The following SVIL variants were observed in gnomAD, a reference collection of about 807,000 sequenced individuals.
SVIL encodes the protein archvillin.
SVIL carries 101 observed loss-of-function variants against 240.4 expected under a neutral mutation model. The observed-to-expected ratio is 0.42, with a 90% CI of 0.36 to 0.50. SVIL has a LOEUF of 0.50. Among genes scored for constraint, SVIL ranks in the 20% least tolerant of loss-of-function variants. SVIL has a pLI of 0.01. For synonymous variants in SVIL, 999 were observed against 1,100.0 expected, an observed-to-expected ratio of 0.91 and a Z score of 1.82; for missense variants, 2,512 against 2,818.7, an observed-to-expected ratio of 0.89 and a Z score of 2.46.
intron 1 of SVIL, among the ~76,000 whole-genome samples, chr10:29,696,279 A>C (rs1303017448): frequency 2.0e-5 from 3 of 151,992 alleles, no homozygotes; most frequent in Non-Finnish European, 4.4e-5. Flanking sequence ...GCTGGAGTGC[A>C]GTGGCATGAT....
intron 3 of SVIL, among the ~76,000 whole-genome samples, chr10:29,640,216 G>C (rs923264280): frequency 1.3e-5 from 2 of 152,110 alleles, no homozygotes; most frequent in Non-Finnish European, 2.9e-5. Context: ...CCCAGAAACT[G>C]CTCTCCCAAC....
In SVIL at chr10:29,486,131, T is replaced by C; in HGVS notation, c.4733A>G (p.Asp1578Gly). ...GCACTTCGGAATTTTCCCCCAGTAG[T>C]CGTCATCAGGAACAAGTTTGTCATC... ...LMDDKLVPDDDYWGKIPKCSL... is the reference protein window; with the variant it reads ...LMDDKLVPDDGYWGKIPKCSL... The change falls in exon 26 of 38, where the codon GAC becomes GGC. Residue 1578 changes from aspartate (D) to glycine (G), a missense_variant. Asp to Gly is a moderately conservative substitution (Grantham distance 94, BLOSUM62 -1). Transcript: ENST00000355867. 4 of 1,614,226 alleles carry C rather than the reference T, an allele frequency of 2.5e-6. No individual in the cohort carries two copies. Among genetic ancestry groups the C allele is most frequent in the Non-Finnish European group, 3.4e-6 (4 of 1,180,042 alleles).
intron 1 of SVIL, among the ~76,000 whole-genome samples, chr10:29,688,080 T>C (rs1961226973): frequency 1.3e-5 from 2 of 152,224 alleles, no homozygotes; most frequent in Non-Finnish European, 2.9e-5. Flanking sequence ...GCTTCATTTA[T>C]CTAGATAAGG....
chr10:29,641,320 C>T (rs1224876662), intron 3 of SVIL, among the ~76,000 whole-genome samples: 1 of 151,800 alleles, frequency 6.6e-6, no homozygotes, highest in Non-Finnish European at 1.5e-5. Flanking sequence ...CCTGTAATCC[C>T]AGCACTTTGG....
chr10:29,521,613 A>T (rs182477348), intron 16 of SVIL, among the ~76,000 whole-genome samples: 2 of 152,220 alleles, frequency 1.3e-5, no homozygotes, highest in Non-Finnish European at 2.9e-5. Flanking sequence ...ACCTCAGTAC[A>T]ATACGTTTTT....
Position 29,567,093 on chromosome 10 carries a change from C to T in SVIL, c.-143+2162G>A, listed in dbSNP as rs115315501. Among the ~76,000 whole-genome samples, 388 of 152,278 alleles carry T rather than the reference C, an allele frequency of 2.5e-3. 1 individual carries two copies. Among genetic ancestry groups the T allele is most frequent in the African/African-American group, 8.8e-3 (364 of 41,554 alleles). ...TCTTTGTCTCCCCTGAAACAGTGCT[C>T]GTTCTTTAGGACTGATTGTTTGTGC... On this transcript the variant is annotated intron_variant, in intron 2 of 37. Coordinates refer to ENST00000355867, the MANE Select transcript of SVIL (RefSeq NM_021738.3).
chr10:29,469,236 G>A (rs7073566), intron 32 of SVIL: 43,519 of 151,966 alleles, frequency 0.29, 6,699 homozygotes, highest in East Asian at 0.54. Flanking sequence ...ACCCCTCCCC[G>A]TGCCCTAGCC....
intron 6 of SVIL, among the ~76,000 whole-genome samples, chr10:29,545,855 A>C (rs1489341070): frequency 2.4e-5 from 1 of 41,342 alleles, no homozygotes; most frequent in Admixed American, 3.7e-4. Flanking sequence ...CTCTGTCTCA[A>C]AAAAAAAAAA....
At chr10:29,514,732 C>T (rs7910521) in intron 16 of SVIL, among the ~76,000 whole-genome samples, 66,481 of 151,944 alleles carry the variant, frequency 0.44, 15,217 homozygotes, top group African/African-American at 0.55. Context: ...TTGGCTACTC[C>T]CTTTGGGTAT....
intron 1 of SVIL, among the ~76,000 whole-genome samples, chr10:29,699,453 C>A (rs1280151054): frequency 2.6e-5 from 4 of 152,144 alleles, no homozygotes; most frequent in Non-Finnish European, 5.9e-5. Flanking sequence ...CAGGCGTGCA[C>A]CACCACACCA....
chr10:29,506,828 AG>A (rs1463616396), intron 17 of SVIL, among the ~76,000 whole-genome samples: 4 of 149,294 alleles, frequency 2.7e-5, no homozygotes, highest in Admixed American at 6.6e-5. Context: ...GGGAAGGGAC[AG>A]AGGCCCTAGG....
At chr10:29,714,960 A>G (rs1382107196) in intron 1 of SVIL, among the ~76,000 whole-genome samples, 1 of 151,066 alleles carries the variant, frequency 6.6e-6, no homozygotes, top group Non-Finnish European at 1.5e-5. Flanking sequence ...AAAAAAAAAA[A>G]AAAAAAAGAA....
In SVIL at chr10:29,458,429, C is replaced by G. The variant is rs1392612842; in HGVS notation, c.6558+5G>C. The G allele has an allele frequency of 3.8e-6, 6 of 1,589,954 alleles. No individual in the cohort carries two copies. Among genetic ancestry groups the G allele is most frequent in the African/African-American group, 1.3e-5 (1 of 74,282 alleles). ...CATCCCCACCCCACCGGAAGAACCG[C>G]TTACCTCGAAGTCTTCGTCGGTGAG... On this transcript the variant is annotated splice_donor_5th_base_variant and intron_variant, in intron 37 of 37. Transcript: ENST00000355867.
chr10:29,587,892 G>A (rs534957385), intron 1 of SVIL, among the ~76,000 whole-genome samples: 16 of 152,242 alleles, frequency 1.1e-4, no homozygotes, highest in Admixed American at 2.6e-4. Flanking sequence ...CTAAGGAGGC[G>A]GAGTTGTTGG....
At chr10:29,473,139 G>T (rs1164521814) in intron 30 of SVIL, among the ~76,000 whole-genome samples, 1 of 152,012 alleles carries the variant, frequency 6.6e-6, no homozygotes, top group Admixed American at 6.5e-5. Context: ...GGAGGAGCAG[G>T]GGGAGCTTGG....
chr10:29,591,499 T>C (rs1425825455), intron 1 of SVIL, among the ~76,000 whole-genome samples: 1 of 152,226 alleles, frequency 6.6e-6, no homozygotes, highest in African/African-American at 2.4e-5. Flanking sequence ...AAAAAAGTAA[T>C]AGCTCTCTCT....
At chr10:29,471,267 T>C in intron 30 of SVIL, 24 bp from the exon 31 acceptor site, 1 of 1,588,112 alleles carries the variant, frequency 6.3e-7, no homozygotes. Flanking sequence ...CAGAGGTAAA[T>C]AGGTAAGGGG....
At chr10:29,458,781 AT>A in intron 36 of SVIL, 192 bp from the exon 37 acceptor site, 1 of 415,164 alleles carries the variant, frequency 2.4e-6, no homozygotes, top group Non-Finnish European at 4.1e-6. Context: ...TGGACTTTTA[AT>A]TTTTAAAATT....
chr10:29,664,069 C>A (rs1386016281), intron 2 of SVIL, among the ~76,000 whole-genome samples: 1 of 152,152 alleles, frequency 6.6e-6, no homozygotes, highest in Admixed American at 6.6e-5. Context: ...TCCCGTGTAT[C>A]CCATGACAGC....
Sources: allele counts gnomAD v4.1 joint callset (sites outside exome capture counted in the v4.1 genomes callset), GRCh38; gene constraint gnomAD v4.1.1; transcripts MANE v1.5; gene names NCBI Gene and HGNC (gene_info 2026-07-23, HGNC 2026-07-21).